The following MTA3 variants were observed in gnomAD, a reference collection of about 807,000 sequenced individuals.
MTA3 encodes metastasis-associated protein MTA3.
Under a neutral mutation model 83.5 loss-of-function variants are expected in MTA3, and 34 were observed. The ratio of observed to expected loss-of-function variants is 0.41; its 90% CI spans 0.31 to 0.54. The LOEUF (loss-of-function observed/expected upper bound fraction) is 0.54. Among genes scored for constraint, MTA3 ranks in the 20% least tolerant of loss-of-function variants. MTA3 has a pLI of 0.33. For missense variants in MTA3, 761 were observed against 726.4 expected, an observed-to-expected ratio of 1.05 and a Z score of -0.55; for synonymous variants, 303 against 252.7, an observed-to-expected ratio of 1.20 and a Z score of -1.89.
intron 3 of MTA3, among the ~76,000 whole-genome samples, chr2:42,603,482 C>T (rs1396610426): frequency 6.6e-6 from 1 of 152,124 alleles, no homozygotes; most frequent in Non-Finnish European, 1.5e-5. Flanking sequence ...TTGCCCGATG[C>T]AGTGTTCTTT....
At position 42,603,186 on chromosome 2, in the gene MTA3, T is replaced by A. The variant is rs138664406; in HGVS notation, c.191-6272T>A. Among the ~76,000 whole-genome samples the A allele has an allele frequency of 1.5e-3, 234 of 151,890 alleles. 1 individual carries two copies. The highest frequency in any genetic ancestry group is 2.1e-3 in the Non-Finnish European group (141 of 67,986). ...TGTTAAAACATGTGGCAAGGCAGATTGTTAGATGTATAAGCCGTGAAAGTT... is the reference window on the plus strand; with the variant it reads ...TGTTAAAACATGTGGCAAGGCAGATAGTTAGATGTATAAGCCGTGAAAGTT... On this transcript the variant is annotated intron_variant, in intron 3 of 16. Coordinates refer to ENST00000405094, the MANE Select transcript of MTA3 (RefSeq NM_001330442.2).
chr2:42,610,759 C>G (rs1684091875), intron 4 of MTA3, among the ~76,000 whole-genome samples: 1 of 152,014 alleles, frequency 6.6e-6, no homozygotes, highest in South Asian at 2.1e-4. Context: ...GTATGAGGCA[C>G]AAATAGAGGG....
Position 42,755,651 on chromosome 2 carries a change from C to G in MTA3, c.*2252C>G, listed in dbSNP as rs565190785. 60 of 985,516 alleles carry G rather than the reference C, an allele frequency of 6.1e-5. 1 individual carries two copies. The highest frequency in any genetic ancestry group is 1.0e-3 in the Middle Eastern group (2 of 1,914). 61.0% of individuals were successfully genotyped at this position (985,516 alleles called of 1,614,324 possible). On this transcript the variant is annotated 3_prime_UTR_variant, in exon 17 of 17. Transcript: ENST00000405094. ...CCCCCAGGCAATGGAGGAAGGGTGC[C>G]GAGGCGCCTCTAGTCTGTGCCTTTG...
rs1670276531 is a variant in MTA3, at chr2:42,756,872, G to A, written c.*3473G>A. On this transcript the variant is annotated 3_prime_UTR_variant, in exon 17 of 17. Transcript: ENST00000405094. Reference sequence around the variant, plus strand: ...CGTTCTGAGCATGATACCACAGTGTGGATTGTCTGTCTGTAAGGAGATGCC... The same window carrying A: ...CGTTCTGAGCATGATACCACAGTGTAGATTGTCTGTCTGTAAGGAGATGCC... 1.0e-6 allele frequency: 1 copy of A among 985,294 alleles called. No individual in the cohort carries two copies. Among genetic ancestry groups the A allele is most frequent in the African/African-American group, 1.7e-5 (1 of 57,210 alleles). 61.0% of individuals were successfully genotyped at this position (985,294 alleles called of 1,614,324 possible).
At chr2:42,687,030 G>C (rs1039155641) in intron 9 of MTA3, among the ~76,000 whole-genome samples, 3 of 151,922 alleles carry the variant, frequency 2.0e-5, no homozygotes, top group Non-Finnish European at 4.4e-5. Flanking sequence ...AGGAGGCTGA[G>C]GCATGAGAAT....
intron 2 of MTA3, among the ~76,000 whole-genome samples, chr2:42,527,540 T>C (rs1365640598): frequency 6.6e-6 from 1 of 152,140 alleles, no homozygotes; most frequent in Non-Finnish European, 1.5e-5. Context: ...GCCCTTATAT[T>C]CTAGGGGTGG....
At chr2:42,673,296 G>A (rs1469153717) in intron 8 of MTA3, among the ~76,000 whole-genome samples, 2 of 152,148 alleles carry the variant, frequency 1.3e-5, no homozygotes, top group Admixed American at 6.5e-5. Flanking sequence ...CCTGTAGGAG[G>A]TATATATGTG....
At chr2:42,524,472 GTTTTTTTTTT>G (rs58288129) in intron 2 of MTA3, among the ~76,000 whole-genome samples, 1 of 70,666 alleles carries the variant, frequency 1.4e-5, no homozygotes, top group Non-Finnish European at 2.6e-5. Context: ...GGCTAGTTGT[GTTTTTTTTTT>G]TTTTTTTTTT....
intron 3 of MTA3, among the ~76,000 whole-genome samples, chr2:42,605,732 T>C (rs1573214525): frequency 8.4e-6 from 1 of 118,682 alleles, no homozygotes; most frequent in African/African-American, 3.3e-5. Context: ...CCCACCTCCC[T>C]CCTGGATGGG....
At position 42,704,285 on chromosome 2, in the gene MTA3, C is replaced by T. The variant is rs775403666; in HGVS notation, c.1117C>T (p.Pro373Ser). ...GGGGACCACGTTCCAGCCTCAGAAT[C>T]CTCTCTTAGGGAGAGCCTGTGAGAG... ...AVGTTFQPQN[P>S]LLGRACESCY... Residue 373 changes from proline to serine, a missense_variant, in exon 12 of 17, where the codon CCT (proline) becomes TCT (serine). Transcript: ENST00000405094. The T allele has an allele frequency of 6.2e-6, 10 of 1,613,934 alleles. No homozygotes were observed. In the East Asian group the frequency reaches 2.0e-4, roughly 32 times the overall value.
chr2:42,568,291 G>A (rs1008917717), upstream of MTA3: 1 of 156,446 alleles, frequency 6.4e-6, no homozygotes, highest in Non-Finnish European at 1.4e-5. Context: ...GGGAAGAGGT[G>A]CTGGGGAGAG....
Position 42,747,617 on chromosome 2 carries a change from C to T in MTA3, c.1760-5757C>T, listed in dbSNP as rs116467111. Among the ~76,000 whole-genome samples the T allele has an allele frequency of 4.2e-3, 636 of 151,242 alleles. 3 individuals carry two copies. The highest frequency in any genetic ancestry group is 0.015 in the African/African-American group (610 of 41,306). On this transcript the variant is annotated intron_variant, in intron 16 of 16. Transcript: ENST00000405094. Reference sequence around the variant, plus strand: ...CGCAATGGAAGTTCCTGGCTGATAACGCCCATAGTGCTTGTTACACTGTTG... The same window carrying T: ...CGCAATGGAAGTTCCTGGCTGATAATGCCCATAGTGCTTGTTACACTGTTG...
intron 3 of MTA3, among the ~76,000 whole-genome samples, chr2:42,609,156 G>T (rs542421474): frequency 7.8e-4 from 117 of 150,408 alleles, no homozygotes; most frequent in Non-Finnish European, 1.5e-3. Flanking sequence ...TCAGCCTCCC[G>T]AGTAGCTGGG....
intron 2 of MTA3, among the ~76,000 whole-genome samples, chr2:42,524,311 T>A (rs895181172): frequency 1.1e-4 from 17 of 151,830 alleles, no homozygotes; most frequent in African/African-American, 3.9e-4. Flanking sequence ...ATTATTTTTT[T>A]TTTTTTTTAA....
Position 42,756,527 on chromosome 2 carries a change from C to A in MTA3, c.*3128C>A. Reference sequence around the variant, plus strand: ...CATGTCTGAGCCTGGTGTTTATGCCCCACTGCTGTCCTAAGTCCCTGGCGA... The same window carrying A: ...CATGTCTGAGCCTGGTGTTTATGCCACACTGCTGTCCTAAGTCCCTGGCGA... On this transcript the variant is annotated 3_prime_UTR_variant, in exon 17 of 17. Coordinates refer to ENST00000405094, the MANE Select transcript of MTA3 (RefSeq NM_001330442.2). 1.0e-6 allele frequency: 1 copy of A among 985,762 alleles called. No homozygotes were observed. Among genetic ancestry groups the A allele is most frequent in the Middle Eastern group, 5.2e-4 (1 of 1,926 alleles). 61.1% of individuals were successfully genotyped at this position (985,762 alleles called of 1,614,324 possible). A position where few individuals can be genotyped will look rare whatever the true frequency, so the allele number is the denominator to read the frequency against.
intron 2 of MTA3, among the ~76,000 whole-genome samples, chr2:42,558,704 C>T (rs891994691): frequency 9.2e-5 from 14 of 151,438 alleles, no homozygotes; most frequent in African/African-American, 2.7e-4. Flanking sequence ...CACGCTGCCA[C>T]GCCCCGCTAT....
At chr2:42,647,175 G>A (rs375809202) in intron 6 of MTA3, among the ~76,000 whole-genome samples, 16 of 48,442 alleles carry the variant, frequency 3.3e-4, no homozygotes, top group African/African-American at 1.1e-3. Flanking sequence ...AAACAAAAAA[G>A]AAAGGAAGTC....
At chr2:42,585,707 C>T (rs1680198477) in intron 3 of MTA3, among the ~76,000 whole-genome samples, 1 of 151,860 alleles carries the variant, frequency 6.6e-6, no homozygotes, top group Non-Finnish European at 1.5e-5. Flanking sequence ...CTTCCAACCT[C>T]AAGTGATCCA....
At chr2:42,643,314 A>G (rs150885594) in intron 5 of MTA3, among the ~76,000 whole-genome samples, 95 of 152,212 alleles carry the variant, frequency 6.2e-4, no homozygotes, top group African/African-American at 2.0e-3. Flanking sequence ...GCAGCCGATA[A>G]CCTTTGGGAT....
Sources: gnomAD v4.1 joint callset for allele counts (sites outside exome capture counted in the v4.1 genomes callset) on GRCh38, gnomAD v4.1.1 for gene constraint, MANE v1.5 for transcripts, NCBI Gene and HGNC (gene_info 2026-07-23, HGNC 2026-07-21) for gene names.